DPP6: variants seen among roughly 807,000 people sequenced by gnomAD.
DPP6 encodes A-type potassium channel modulatory protein DPP6.
DPP6 carries 69 observed loss-of-function variants against 122.6 expected under a neutral mutation model. The observed-to-expected ratio is 0.56, with a 90% CI of 0.46 to 0.69. The LOEUF (loss-of-function observed/expected upper bound fraction) is 0.69. Ranked by LOEUF, DPP6 falls within the 30% of genes least tolerant of loss-of-function variation. The pLI, the probability that DPP6 is intolerant of heterozygous loss-of-function variation, is 0.00. For synonymous variants in DPP6, 418 were observed against 433.1 expected (o/e 0.97, Z 0.43); for missense variants, 928 against 1,116.9 (o/e 0.83, Z 2.41).
chr7:154,345,474 C>T (rs1255969217), intron 1 of DPP6, among the ~76,000 whole-genome samples: 2 of 152,180 alleles, frequency 1.3e-5, no homozygotes, highest in African/African-American at 4.8e-5. Context: ...ATTTGCAGTC[C>T]ATTTTCCCAT....
intron 1 of DPP6, among the ~76,000 whole-genome samples, chr7:154,185,422 T>C (rs1160563221): frequency 6.6e-6 from 1 of 152,164 alleles, no homozygotes; most frequent in Non-Finnish European, 1.5e-5. Flanking sequence ...ATGTCCACGC[T>C]GGGTATCAAT....
At chr7:154,218,317 G>A (rs544037767) in intron 1 of DPP6, among the ~76,000 whole-genome samples, 21 of 152,230 alleles carry the variant, frequency 1.4e-4, no homozygotes, top group African/African-American at 5.1e-4. Context: ...GAACTGCCCA[G>A]GCTTACAGAG....
At chr7:154,663,894 C>T (rs1484756641) in intron 6 of DPP6, among the ~76,000 whole-genome samples, 2 of 105,122 alleles carry the variant, frequency 1.9e-5, no homozygotes, top group African/African-American at 2.7e-5. Context: ...TTCATATAGT[C>T]ATGGTGAATC....
the DPP6 span, among the ~76,000 whole-genome samples, chr7:153,766,652 T>A: frequency 1.3e-5 from 2 of 152,178 alleles, no homozygotes; most frequent in Non-Finnish European, 2.9e-5. Context: ...GACATTTACT[T>A]ACTAAAATTC....
chr7:154,255,914 TG>T (rs1171320733), intron 1 of DPP6, among the ~76,000 whole-genome samples: 3 of 152,202 alleles, frequency 2.0e-5, no homozygotes, highest in African/African-American at 7.2e-5. Flanking sequence ...AACTTCTCCT[TG>T]TTTCAACACC....
chr7:154,390,152 G>C (rs1347407553), intron 1 of DPP6, among the ~76,000 whole-genome samples: 2 of 152,120 alleles, frequency 1.3e-5, no homozygotes, highest in Non-Finnish European at 2.9e-5. Context: ...AGCTTATTAG[G>C]GGCTCAGATG....
chr7:154,841,154 A>G (rs1408747222), intron 16 of DPP6, among the ~76,000 whole-genome samples: 2 of 152,198 alleles, frequency 1.3e-5, no homozygotes, highest in Admixed American at 6.5e-5. Context: ...GGCGAGGGTC[A>G]TACCAGGAGC....
At chr7:154,525,773 GCTT>G (rs1346615452) in intron 3 of DPP6, among the ~76,000 whole-genome samples, 3 of 137,990 alleles carry the variant, frequency 2.2e-5, no homozygotes, top group African/African-American at 8.1e-5. Context: ...TTTGAGTTTT[GCTT>G]CTTGTACCTA....
intron 7 of DPP6, among the ~76,000 whole-genome samples, chr7:154,710,989 G>A (rs939598698): frequency 5.3e-5 from 8 of 152,212 alleles, no homozygotes; most frequent in African/African-American, 1.9e-4. Context: ...AGAAATGTCA[G>A]TAAATGGTTC....
intron 1 of DPP6, among the ~76,000 whole-genome samples, chr7:154,105,577 T>C (rs981387639): frequency 6.6e-6 from 1 of 152,170 alleles, no homozygotes; most frequent in Non-Finnish European, 1.5e-5. Context: ...CTCATCTGAA[T>C]TGTAGCTCCC....
chr7:153,793,953 A>G, the DPP6 span, among the ~76,000 whole-genome samples: 1 of 152,216 alleles, frequency 6.6e-6, no homozygotes, highest in African/African-American at 2.4e-5. Flanking sequence ...AATAGTCAAG[A>G]ACTTGGGTTT....
chr7:154,769,802 C>T (rs1796140106), intron 9 of DPP6, among the ~76,000 whole-genome samples: 1 of 152,178 alleles, frequency 6.6e-6, no homozygotes, highest in African/African-American at 2.4e-5. Flanking sequence ...TCACCTGACT[C>T]AGCTTCACTG....
intron 1 of DPP6, chr7:153,887,878 T>TCCCACCCGAG (rs1403798212): frequency 1.1e-5 from 10 of 895,950 alleles, no homozygotes; most frequent in Non-Finnish European, 1.6e-5. Context: ...TTCTCCCACT[T>TCCCACCCGAG]CCCACCCGAG....
chr7:154,006,581 C>T (rs1349376047), intron 1 of DPP6, among the ~76,000 whole-genome samples: 4 of 152,268 alleles, frequency 2.6e-5, no homozygotes, highest in African/African-American at 9.6e-5. Context: ...TCTGAGGCTG[C>T]GTGGCCCGAG....
intron 1 of DPP6, among the ~76,000 whole-genome samples, chr7:154,301,242 G>A (rs1805878905): frequency 6.6e-6 from 1 of 152,144 alleles, no homozygotes; most frequent in Non-Finnish European, 1.5e-5. Flanking sequence ...ATGATTAAGG[G>A]CAGGTGAGCA....
chr7:154,111,121 A>G (rs1179103073), intron 1 of DPP6, among the ~76,000 whole-genome samples: 8 of 152,198 alleles, frequency 5.3e-5, no homozygotes, highest in Admixed American at 3.9e-4. Context: ...TTTGACAAGT[A>G]CCATGGGCTG....
At chr7:154,644,030 G>A (rs1056009817) in intron 6 of DPP6, among the ~76,000 whole-genome samples, 2 of 152,288 alleles carry the variant, frequency 1.3e-5, no homozygotes, top group South Asian at 2.1e-4. Context: ...CTCAGCATGG[G>A]TAGGCATAGG....
chr7:154,679,437 T>A lies in DPP6; in HGVS notation c.762+9996T>A, dbSNP rs143336409. On this transcript the variant is annotated intron_variant, in intron 7 of 25. Transcript: ENST00000377770. Reference sequence around the variant, plus strand: ...CTGTATCCAGTCCAGGAAGCCTGCATCCGGTCCGCAGTTCCCCATTACCAC... The same window carrying A: ...CTGTATCCAGTCCAGGAAGCCTGCAACCGGTCCGCAGTTCCCCATTACCAC... Among the ~76,000 whole-genome samples, 305 of 152,186 alleles carry A rather than the reference T, an allele frequency of 2.0e-3. 1 individual carries two copies. Among genetic ancestry groups the A allele is most frequent in the Middle Eastern group, 0.01 (3 of 294 alleles).
At chr7:154,006,150 C>T (rs1205824897) in intron 1 of DPP6, among the ~76,000 whole-genome samples, 2 of 152,166 alleles carry the variant, frequency 1.3e-5, no homozygotes, top group African/African-American at 4.8e-5. Context: ...CTGGCACATA[C>T]GAGGTAGCAG....
Sources: allele counts gnomAD v4.1 joint callset (sites outside exome capture counted in the v4.1 genomes callset), GRCh38; gene constraint gnomAD v4.1.1; transcripts MANE v1.5; gene names NCBI Gene and HGNC (gene_info 2026-07-23, HGNC 2026-07-21).